NRG1: variants seen among roughly 807,000 people sequenced by gnomAD.
NRG1 encodes pro-neuregulin-1, membrane-bound isoform.
NRG1 carries 18 observed loss-of-function variants against 63.8 expected under a neutral mutation model. That is an observed-to-expected ratio of 0.28 (90% confidence interval 0.19 to 0.42). NRG1 has a LOEUF of 0.42. NRG1 is among the 10% of genes least tolerant of loss of function. The pLI, the probability that NRG1 is intolerant of heterozygous loss-of-function variation, is 1.00. For missense variants in NRG1, 762 were observed against 814.7 expected (o/e 0.94, Z 0.79); for synonymous variants, 302 against 301.3 (o/e 1.00, Z -0.02).
At chr8:32,535,061 T>G (rs1831821856) in intron 1 of NRG1, among the ~76,000 whole-genome samples, 2 of 152,212 alleles carry the variant, frequency 1.3e-5, no homozygotes, top group African/African-American at 4.8e-5. Context: ...TAAATATTGA[T>G]GAAAGGAACC....
intron 1 of NRG1, among the ~76,000 whole-genome samples, chr8:31,784,966 T>C (rs1446657835): frequency 1.3e-5 from 2 of 152,188 alleles, no homozygotes; most frequent in Non-Finnish European, 2.9e-5. Context: ...CACTTTTCCT[T>C]CATTTTTACT....
intron 1 of NRG1, among the ~76,000 whole-genome samples, chr8:32,268,371 T>G (rs1851204480): frequency 6.6e-6 from 1 of 152,226 alleles, no homozygotes; most frequent in African/African-American, 2.4e-5. Context: ...ATGAACATAC[T>G]TACTAAAAAA....
intron 1 of NRG1, among the ~76,000 whole-genome samples, chr8:31,848,543 T>C (rs1333003927): frequency 6.6e-6 from 1 of 152,176 alleles, no homozygotes; most frequent in South Asian, 2.1e-4. Context: ...TGTTAGGAAC[T>C]GGGTCACGCA....
At chr8:31,864,046 C>G (rs913115374) in intron 1 of NRG1, among the ~76,000 whole-genome samples, 1 of 152,128 alleles carries the variant, frequency 6.6e-6, no homozygotes, top group African/African-American at 2.4e-5. Flanking sequence ...GTAATATAAA[C>G]ATGGAAATAG....
intron 1 of NRG1, among the ~76,000 whole-genome samples, chr8:32,053,953 A>G (rs1328504088): frequency 3.3e-5 from 5 of 152,224 alleles, no homozygotes; most frequent in East Asian, 1.9e-4. Flanking sequence ...TTTCCTGATT[A>G]CAGAAGTAGT....
chr8:32,479,335 A>G (rs6992519), intron 1 of NRG1, among the ~76,000 whole-genome samples: 96,625 of 151,652 alleles, frequency 0.64, 31,055 homozygotes, highest in East Asian at 0.8. Flanking sequence ...AAATTAGTCA[A>G]GCTTGGTGGT....
chr8:31,737,483 T>G (rs1372061457), intron 1 of NRG1, among the ~76,000 whole-genome samples: 1 of 152,152 alleles, frequency 6.6e-6, no homozygotes, highest in Non-Finnish European at 1.5e-5. Flanking sequence ...ACAATAAATG[T>G]TGACTTATTG....
chr8:32,641,118 G>C (rs1005835678), intron 5 of NRG1, among the ~76,000 whole-genome samples: 4 of 150,754 alleles, frequency 2.7e-5, no homozygotes, highest in African/African-American at 9.7e-5. Flanking sequence ...CTCCAGCCTG[G>C]GAGAGAGAGT....
intron 1 of NRG1, among the ~76,000 whole-genome samples, chr8:32,358,072 G>A (rs189036866): frequency 6.6e-6 from 1 of 152,150 alleles, no homozygotes; most frequent in Non-Finnish European, 1.5e-5. Flanking sequence ...TTTCCAGGAA[G>A]GATGCTCAAG....
intron 1 of NRG1, among the ~76,000 whole-genome samples, chr8:32,515,446 T>A (rs1162574953): frequency 9.4e-6 from 1 of 106,044 alleles, no homozygotes; most frequent in African/African-American, 3.4e-5. Context: ...TGCCCAGTTT[T>A]TTTGTTTTGT....
chr8:32,622,508 TCTTC>T (rs2129542702), intron 5 of NRG1, among the ~76,000 whole-genome samples: 1 of 152,230 alleles, frequency 6.6e-6, no homozygotes, highest in South Asian at 2.1e-4. Context: ...GCTCAAGCCA[TCTTC>T]CTTCCTCAGC....
intron 5 of NRG1, among the ~76,000 whole-genome samples, chr8:32,711,045 T>C (rs1817673171): frequency 6.6e-6 from 1 of 152,160 alleles, no homozygotes. Context: ...ATATGGCTTC[T>C]CTAATGGCCT....
At chr8:32,760,466 C>T in intron 11 of NRG1, 60 bp downstream of exon 11, 1 of 1,604,146 alleles carries the variant, frequency 6.2e-7, no homozygotes, top group Non-Finnish European at 8.5e-7. Flanking sequence ...TCCCTGTGAG[C>T]ACCTGCGGTC....
At chr8:32,259,566 G>A (rs1850130715) in intron 1 of NRG1, among the ~76,000 whole-genome samples, 1 of 152,092 alleles carries the variant, frequency 6.6e-6, no homozygotes, top group Non-Finnish European at 1.5e-5. Flanking sequence ...ATGGTATTCT[G>A]TTATAGCAGC....
At chr8:32,072,084 CT>C (rs1825832995) in intron 1 of NRG1, among the ~76,000 whole-genome samples, 1 of 151,982 alleles carries the variant, frequency 6.6e-6, no homozygotes, top group Non-Finnish European at 1.5e-5. Flanking sequence ...ATAATTCATC[CT>C]GGCAATTAGG....
intron 1 of NRG1, among the ~76,000 whole-genome samples, chr8:32,437,174 A>T (rs1818894278): frequency 6.6e-6 from 1 of 152,056 alleles, no homozygotes; most frequent in African/African-American, 2.4e-5. Flanking sequence ...TAACCTTGCT[A>T]ACACCTACCT....
intron 1 of NRG1, among the ~76,000 whole-genome samples, chr8:32,575,037 TA>T (rs1348918870): frequency 9.2e-5 from 14 of 152,140 alleles, no homozygotes; most frequent in Non-Finnish European, 1.5e-5. Flanking sequence ...TAGACAAATC[TA>T]AAGCCAAACA....
At position 31,640,062 on chromosome 8, in the gene NRG1, G is replaced by A. The variant is rs1030982429; in HGVS notation, c.37+631G>A. 3 of 1,139,770 alleles carry A rather than the reference G, an allele frequency of 2.6e-6. No individual in the cohort carries two copies. Among genetic ancestry groups the A allele is most frequent in the African/African-American group, 1.6e-5 (1 of 60,734 alleles). The allele number at this position is 1,139,770 out of a possible 1,614,324, so 70.6% of individuals were successfully genotyped here. ...AGCGCCCCGGCTCCGCCGCCCGCTC[G>A]TCGCCGCCGCTGCCGCTGCTGCCAC... On this transcript the variant is annotated intron_variant, in intron 1 of 10. Coordinates refer to the NRG1 transcript ENST00000519301. The surrounding 1 kb of genome is among the most constrained non-coding windows in gnomAD (Gnocchi z 6.3).
At chr8:31,833,404 G>C (rs541884220) in intron 1 of NRG1, among the ~76,000 whole-genome samples, 11 of 152,194 alleles carry the variant, frequency 7.2e-5, no homozygotes, top group Non-Finnish European at 1.3e-4. Flanking sequence ...GAATCCTCTG[G>C]ACCTGTAGAG....
Sources: gnomAD v4.1 joint callset for allele counts (sites outside exome capture counted in the v4.1 genomes callset) on GRCh38, gnomAD v4.1.1 for gene constraint, Gnocchi (gnomAD v3.1) non-coding constraint, MANE v1.5 for transcripts, NCBI Gene and HGNC (gene_info 2026-07-23, HGNC 2026-07-21) for gene names.